The following CSMD1 variants were observed in gnomAD, a reference collection of about 807,000 sequenced individuals.
CSMD1 encodes CUB and sushi domain-containing protein 1.
Under a neutral mutation model 417.5 loss-of-function variants are expected in CSMD1, and 213 were observed. The observed-to-expected ratio is 0.51, with a 90% CI of 0.46 to 0.57. The LOEUF (loss-of-function observed/expected upper bound fraction) is 0.57. CSMD1 is among the 20% of genes least tolerant of loss of function. CSMD1 has a pLI of 0.00. For synonymous variants in CSMD1, 2,862 were observed against 1,736.8 expected (o/e 1.65, Z -16.11); for missense variants, 6,923 against 4,529.7 (o/e 1.53, Z -15.17).
chr8:4,122,144 G>A (rs1470154134), intron 3 of CSMD1, among the ~76,000 whole-genome samples: 2 of 151,808 alleles, frequency 1.3e-5, no homozygotes, highest in East Asian at 1.9e-4. Context: ...ACATAATGTC[G>A]CTAAGTTATT....
intron 12 of CSMD1, among the ~76,000 whole-genome samples, chr8:3,462,593 A>C (rs1816575102): frequency 6.6e-6 from 1 of 152,186 alleles, no homozygotes; most frequent in Admixed American, 6.5e-5. Flanking sequence ...GTCTAGTTGC[A>C]GGAAAACAAG....
At chr8:4,332,598 CACACACACAG>C (rs1302139018) in intron 3 of CSMD1, among the ~76,000 whole-genome samples, 2,089 of 99,628 alleles carry the variant, frequency 0.021, 53 homozygotes, top group African/African-American at 0.094. Context: ...CACACACACA[CACACACACAG>C]AGTCATATGC....
chr8:4,303,595 T>C (rs969074669), intron 3 of CSMD1, among the ~76,000 whole-genome samples: 2 of 152,126 alleles, frequency 1.3e-5, no homozygotes, highest in Non-Finnish European at 2.9e-5. Context: ...TGGCACCTTC[T>C]GGACATTGTC....
intron 1 of CSMD1, among the ~76,000 whole-genome samples, chr8:4,845,437 TAATC>T (rs968058802): frequency 2.6e-5 from 4 of 152,160 alleles, no homozygotes; most frequent in African/African-American, 9.7e-5. Flanking sequence ...AATCAACCAA[TAATC>T]AACCAAAAAT....
rs1458241387 is a variant in CSMD1, at chr8:3,756,926, G to C, written c.819-2884C>G. Among the ~76,000 whole-genome samples the C allele has an allele frequency of 2.0e-5, 3 of 152,194 alleles. No homozygotes were observed. In the East Asian group the frequency reaches 5.8e-4, roughly 29 times the overall value. ...TCCGCTTGCCTCAACCTCTGGAGTA[G>C]CTAGAGCTATATGTGCACACCATAT... On this transcript the variant is annotated intron_variant, in intron 5 of 69. Transcript: ENST00000635120.
At chr8:4,876,029 G>C (rs138451512) in intron 1 of CSMD1, among the ~76,000 whole-genome samples, 1 of 152,026 alleles carries the variant, frequency 6.6e-6, no homozygotes, top group East Asian at 1.9e-4. Flanking sequence ...ATTTTAGTAA[G>C]GGGAAAAAAC....
At chr8:4,165,232 C>CT (rs1797388306) in intron 3 of CSMD1, among the ~76,000 whole-genome samples, 1 of 152,208 alleles carries the variant, frequency 6.6e-6, no homozygotes, top group Non-Finnish European at 1.5e-5. Flanking sequence ...TGTCACTGTT[C>CT]TTTTCAAAAG....
chr8:4,034,099 A>G (rs769502786), intron 3 of CSMD1, among the ~76,000 whole-genome samples: 2 of 152,178 alleles, frequency 1.3e-5, no homozygotes, highest in Non-Finnish European at 2.9e-5. Context: ...ATTTTAATGT[A>G]TTGATATAAT....
At chr8:3,077,988 C>T (rs17079289) in intron 49 of CSMD1, among the ~76,000 whole-genome samples, 4,257 of 152,302 alleles carry the variant, frequency 0.028, 208 homozygotes, top group African/African-American at 0.096. Flanking sequence ...GCCTCCGTTT[C>T]CTTTATCCTC....
At chr8:4,630,693 A>G (rs1190383725) in intron 2 of CSMD1, among the ~76,000 whole-genome samples, 3 of 152,158 alleles carry the variant, frequency 2.0e-5, no homozygotes, top group African/African-American at 7.2e-5. Flanking sequence ...GAGTGGACCA[A>G]ACACCTCTGC....
intron 49 of CSMD1, among the ~76,000 whole-genome samples, chr8:3,061,639 A>T (rs1208055005): frequency 6.6e-6 from 1 of 152,106 alleles, no homozygotes; most frequent in African/African-American, 2.4e-5. Flanking sequence ...TAAAGCACTG[A>T]CCCCATGACT....
chr8:4,783,433 T>C (rs1797253298), intron 1 of CSMD1, among the ~76,000 whole-genome samples: 1 of 152,246 alleles, frequency 6.6e-6, no homozygotes. Context: ...TTCAGTGCTT[T>C]GGCTTTGGTA....
chr8:3,163,089 C>A (rs1348446687), intron 37 of CSMD1, among the ~76,000 whole-genome samples: 2 of 152,146 alleles, frequency 1.3e-5, no homozygotes, highest in African/African-American at 4.8e-5. Context: ...ATGAGATGAG[C>A]AAGTTCTGAG....
At chr8:3,179,180 C>G (rs771245502) in intron 37 of CSMD1, among the ~76,000 whole-genome samples, 4 of 151,704 alleles carry the variant, frequency 2.6e-5, no homozygotes, top group African/African-American at 9.7e-5. Flanking sequence ...CTCCTGACCT[C>G]GTGATCTGCC....
intron 1 of CSMD1, among the ~76,000 whole-genome samples, chr8:4,956,062 G>A (rs764129744): frequency 6.6e-6 from 1 of 152,140 alleles, no homozygotes; most frequent in African/African-American, 2.4e-5. Flanking sequence ...CTATCCTGGG[G>A]TGACGTAAAA....
chr8:4,888,717 G>A (rs962275681), intron 1 of CSMD1, among the ~76,000 whole-genome samples: 1 of 152,064 alleles, frequency 6.6e-6, no homozygotes, highest in African/African-American at 2.4e-5. Flanking sequence ...GGCCGGTGCA[G>A]GGAAAGTGCA....
intron 3 of CSMD1, among the ~76,000 whole-genome samples, chr8:4,063,128 G>A (rs896795182): frequency 6.6e-6 from 1 of 152,060 alleles, no homozygotes; most frequent in African/African-American, 2.4e-5. Context: ...ATAATTTATT[G>A]TGTATTTCAA....
chr8:4,004,449 T>C (rs902372631), intron 4 of CSMD1, among the ~76,000 whole-genome samples: 1 of 151,932 alleles, frequency 6.6e-6, no homozygotes, highest in Admixed American at 6.6e-5. Flanking sequence ...GAAAGGCTAT[T>C]TTATAGTAAA....
At chr8:4,135,934 G>A (rs939178592) in intron 3 of CSMD1, among the ~76,000 whole-genome samples, 26 of 152,050 alleles carry the variant, frequency 1.7e-4, no homozygotes, top group African/African-American at 5.1e-4. Context: ...TCCCTGGATT[G>A]GGCTTTCTAA....
Sources: gnomAD v4.1 joint callset for allele counts (sites outside exome capture counted in the v4.1 genomes callset) on GRCh38, gnomAD v4.1.1 for gene constraint, MANE v1.5 for transcripts, NCBI Gene and HGNC (gene_info 2026-07-23, HGNC 2026-07-21) for gene names.